SYN3: variants seen among roughly 807,000 people sequenced by gnomAD.
SYN3 encodes the protein synapsin III, also known as synapsin-3.
A neutral mutation model predicts 65.8 loss-of-function variants in SYN3; 35 were observed. That is an observed-to-expected ratio of 0.53 (90% CI 0.41 to 0.70). The LOEUF is 0.70. SYN3 is among the 30% of genes least tolerant of loss of function. The probability of loss-of-function intolerance (pLI) is 0.00; values close to 1 mark genes in which losing one functional copy is unlikely to be tolerated. For synonymous variants in SYN3, 270 were observed against 292.9 expected (o/e 0.92, Z 0.80); for missense variants, 680 against 749.0 (o/e 0.91, Z 1.08).
At chr22:32,958,341 C>T (rs981256313) in intron 3 of SYN3, among the ~76,000 whole-genome samples, 12 of 152,302 alleles carry the variant, frequency 7.9e-5, no homozygotes, top group African/African-American at 2.6e-4. Flanking sequence ...TGATTGCTCA[C>T]GTCGCTTTCT....
At chr22:32,566,548 T>C (rs901687757) in intron 7 of SYN3, among the ~76,000 whole-genome samples, 4 of 152,098 alleles carry the variant, frequency 2.6e-5, no homozygotes, top group Admixed American at 6.5e-5. Context: ...AAGAGATGGG[T>C]ACAACAGTGA....
chr22:32,602,207 C>G (rs1282386278), intron 6 of SYN3, among the ~76,000 whole-genome samples: 4 of 152,018 alleles, frequency 2.6e-5, no homozygotes, highest in Non-Finnish European at 5.9e-5. Flanking sequence ...TTTTTATTTT[C>G]TTCTATCTTT....
intron 7 of SYN3, among the ~76,000 whole-genome samples, chr22:32,547,072 A>G (rs1318812384): frequency 1.3e-5 from 2 of 152,100 alleles, no homozygotes; most frequent in African/African-American, 2.4e-5. Context: ...TCTGCCTCCC[A>G]GGTTCAAGCA....
chr22:32,558,668 G>A (rs1031798110), intron 7 of SYN3, among the ~76,000 whole-genome samples: 5 of 152,228 alleles, frequency 3.3e-5, no homozygotes, highest in African/African-American at 1.2e-4. Context: ...AGTGCCATGG[G>A]GCAGGTGCCT....
chr22:32,907,809 A>G (rs901156947), intron 4 of SYN3, among the ~76,000 whole-genome samples: 6 of 152,184 alleles, frequency 3.9e-5, no homozygotes, highest in African/African-American at 1.2e-4. Flanking sequence ...GCTGCTATTG[A>G]TATCATTACA....
intron 4 of SYN3, among the ~76,000 whole-genome samples, chr22:32,916,098 C>T (rs2050179022): frequency 6.6e-6 from 1 of 152,184 alleles, no homozygotes; most frequent in African/African-American, 2.4e-5. Flanking sequence ...TCTGACTATG[C>T]TGAGACCACA....
intron 2 of SYN3, among the ~76,000 whole-genome samples, chr22:32,986,201 T>G (rs1198783148): frequency 2.0e-5 from 3 of 152,138 alleles, no homozygotes; most frequent in Admixed American, 2.0e-4. Context: ...CTGGAGACAC[T>G]TGACTGCCAT....
At position 32,734,032 on chromosome 22, in the gene SYN3, C is replaced by G. The variant is rs78607847; in HGVS notation, c.711+130883G>C. 6.6e-5 allele frequency among the ~76,000 whole-genome samples: 10 copies of G among 152,242 alleles called. No homozygotes were observed. The East Asian group carries it at 1.7e-3, about 27-fold the overall frequency. ...AGAGGCAATCTGAGCAAGAAAAGGT[C>G]CAGAACTAAACAGACTGTCTAGGGC... On this transcript the variant is annotated intron_variant, in intron 6 of 13. Coordinates refer to ENST00000358763, the MANE Select transcript of SYN3 (RefSeq NM_003490.4).
intron 4 of SYN3, among the ~76,000 whole-genome samples, chr22:32,900,905 A>G (rs564266700): frequency 4.5e-4 from 69 of 152,342 alleles, no homozygotes; most frequent in African/African-American, 1.6e-3. Flanking sequence ...TGTCCATTAG[A>G]CTATCAGCTA....
At chr22:32,704,299 T>G (rs929849461) in intron 6 of SYN3, among the ~76,000 whole-genome samples, 6 of 152,226 alleles carry the variant, frequency 3.9e-5, no homozygotes, top group African/African-American at 1.4e-4. Flanking sequence ...CTCCCACTTA[T>G]AAGTCAGAAC....
chr22:32,991,498 C>T (rs902803045), intron 2 of SYN3, among the ~76,000 whole-genome samples: 3 of 152,164 alleles, frequency 2.0e-5, no homozygotes, highest in African/African-American at 7.2e-5. Context: ...GCTGCTGCCT[C>T]AGAGGAGGCA....
intron 6 of SYN3, among the ~76,000 whole-genome samples, chr22:32,745,348 C>A (rs912774450): frequency 1.3e-5 from 2 of 152,206 alleles, no homozygotes; most frequent in African/African-American, 4.8e-5. Flanking sequence ...AGCCTCAGGC[C>A]GCACATCTGG....
intron 7 of SYN3, among the ~76,000 whole-genome samples, chr22:32,565,454 TATAAA>T (rs2058659908): frequency 6.6e-6 from 1 of 151,472 alleles, no homozygotes; most frequent in South Asian, 2.1e-4. Flanking sequence ...CACATATACA[TATAAA>T]ATAGTTTACG....
chr22:32,782,065 G>C (rs944807533), intron 6 of SYN3, among the ~76,000 whole-genome samples: 6 of 145,858 alleles, frequency 4.1e-5, no homozygotes, highest in African/African-American at 1.5e-4. Flanking sequence ...TAAGTTTCAG[G>C]CTCTGTAATT....
At chr22:32,710,659 A>AAAAG (rs1167167056) in intron 6 of SYN3, among the ~76,000 whole-genome samples, 7 of 150,602 alleles carry the variant, frequency 4.6e-5, no homozygotes, top group African/African-American at 4.9e-5. Flanking sequence ...GAAAGAAAGA[A>AAAAG]AAAGAAAGAA....
At chr22:32,564,786 T>TGGGCTGAACCCAAACAGTGCTCCC (rs1569042824) in intron 7 of SYN3, among the ~76,000 whole-genome samples, 1 of 119,536 alleles carries the variant, frequency 8.4e-6, no homozygotes, top group Non-Finnish European at 1.7e-5. Flanking sequence ...ACAGTGCTCC[T>TGGGCTGAACCCAAACAGTGCTCCC]GGGCTGCACC....
At chr22:32,891,115 A>C (rs748119169) in intron 4 of SYN3, among the ~76,000 whole-genome samples, 8 of 152,174 alleles carry the variant, frequency 5.3e-5, no homozygotes, top group Non-Finnish European at 7.3e-5. Context: ...GCCCTGCTCC[A>C]GTTTCTTAGG....
At chr22:32,978,824 C>G (rs562381092) in intron 3 of SYN3, among the ~76,000 whole-genome samples, 1 of 152,270 alleles carries the variant, frequency 6.6e-6, no homozygotes, top group South Asian at 2.1e-4. Context: ...ATGGAAAACA[C>G]TTAATATGGC....
intron 6 of SYN3, among the ~76,000 whole-genome samples, chr22:32,817,543 T>C (rs895268044): frequency 6.6e-6 from 1 of 152,062 alleles, no homozygotes; most frequent in Non-Finnish European, 1.5e-5. Flanking sequence ...TCTCCTAGGG[T>C]TGCCAAACAG....
Sources: allele counts gnomAD v4.1 joint callset (sites outside exome capture counted in the v4.1 genomes callset), GRCh38; gene constraint gnomAD v4.1.1; transcripts MANE v1.5; gene names NCBI Gene and HGNC (gene_info 2026-07-23, HGNC 2026-07-21).